Variants in ANKS1A observed in about 807,000 individuals in gnomAD.
ANKS1A encodes the protein ankyrin repeat and SAM domain-containing protein 1A.
In ANKS1A, 55 loss-of-function variants were observed where a neutral mutation model predicts 120.3. The observed-to-expected ratio is 0.46, with a 90% CI of 0.37 to 0.57. The LOEUF (loss-of-function observed/expected upper bound fraction) is 0.57, where lower values mean the gene tolerates loss of function less well. ANKS1A is among the 20% of genes least tolerant of loss of function. The probability of loss-of-function intolerance (pLI) is 0.00; values close to 1 mark genes in which losing one functional copy is unlikely to be tolerated. For synonymous variants in ANKS1A, 590 were observed against 604.7 expected (o/e 0.98, Z 0.36); for missense variants, 1,123 against 1,480.3 (o/e 0.76, Z 3.96).
Position 35,082,243 on chromosome 6 carries a change from C to T in ANKS1A, c.2710-448C>T, listed in dbSNP as rs941878641. Among the ~76,000 whole-genome samples the T allele has an allele frequency of 2.6e-5, 4 of 152,038 alleles. No individual in the cohort carries two copies. The highest frequency in any genetic ancestry group is 4.4e-5 in the Non-Finnish European group (3 of 67,952). On this transcript the variant is annotated intron_variant, in intron 17 of 23. Coordinates refer to ENST00000360359, the MANE Select transcript of ANKS1A (RefSeq NM_015245.3). The surrounding 1 kb of genome is among the most constrained non-coding windows in gnomAD (Gnocchi z 4.1). ...TTTGGAATGCATTCCTAGGCACGGG[C>T]GGGTGCTTCACTGGCTTCCCCGCTG...
downstream of ANKS1A, among the ~76,000 whole-genome samples, chr6:35,094,570 A>G (rs2762342): frequency 0.64 from 96,847 of 152,112 alleles, 31,055 homozygotes; most frequent in Middle Eastern, 0.77. Flanking sequence ...AGAAAAAGTC[A>G]AATGTCTGAG....
At chr6:35,008,156 A>G (rs2127550406) in intron 10 of ANKS1A, among the ~76,000 whole-genome samples, 1 of 152,338 alleles carries the variant, frequency 6.6e-6, no homozygotes, top group South Asian at 2.1e-4. Flanking sequence ...CCAAAGGGAA[A>G]ACATATCAAT....
intron 3 of ANKS1A, among the ~76,000 whole-genome samples, chr6:34,972,397 G>A (rs941220067): frequency 6.6e-6 from 1 of 152,128 alleles, no homozygotes; most frequent in Admixed American, 6.5e-5. Context: ...CCAGTAGGAT[G>A]CTTAGATTAA....
chr6:35,043,664 C>T (rs1775577782), intron 11 of ANKS1A, among the ~76,000 whole-genome samples: 1 of 152,118 alleles, frequency 6.6e-6, no homozygotes, highest in Non-Finnish European at 1.5e-5. Flanking sequence ...ATTACAAAAC[C>T]AAAGGAGGAA....
intron 1 of ANKS1A, among the ~76,000 whole-genome samples, chr6:34,930,718 C>T (rs957016304): frequency 1.3e-5 from 2 of 151,988 alleles, no homozygotes; most frequent in Non-Finnish European, 1.5e-5. Flanking sequence ...AACTTGGGAA[C>T]GTTATATCTC....
At chr6:34,925,244 G>C (rs896962321) in intron 1 of ANKS1A, among the ~76,000 whole-genome samples, 3 of 151,408 alleles carry the variant, frequency 2.0e-5, no homozygotes, top group African/African-American at 7.3e-5. Flanking sequence ...TTTTTGTTTT[G>C]GGCATTCTAT....
chr6:35,058,465 C>T lies in ANKS1A; in HGVS notation c.2078-1682C>T, dbSNP rs762725542. On this transcript the variant is annotated intron_variant, in intron 12 of 23. Transcript: ENST00000360359. This position sits in a 1 kb window ranked among gnomAD's most constrained non-coding sequence, Gnocchi z 5.1. ...CTCAAGTATCCCCCAGACTCGGCAT[C>T]TTGGAGCGCTGCGGCAGCGTGCATC... is the stretch of plus-strand genomic sequence containing the variant. 4.6e-5 allele frequency: 7 copies of T among 152,280 alleles called. No homozygotes were observed. Among genetic ancestry groups the T allele is most frequent in the Non-Finnish European group, 7.3e-5 (5 of 68,048 alleles). The allele number at this position is 152,280 out of a possible 1,614,324, so 9.4% of individuals were successfully genotyped here.
chr6:35,036,027 T>C (rs1775151770), intron 11 of ANKS1A, among the ~76,000 whole-genome samples: 1 of 152,206 alleles, frequency 6.6e-6, no homozygotes, highest in South Asian at 2.1e-4. Context: ...ATGGCTCTAG[T>C]TTTCCCTTCA....
chr6:35,079,473 T>G (rs2127606783), intron 14 of ANKS1A, 43 bp from the exon 15 acceptor site: 1 of 1,609,278 alleles, frequency 6.2e-7, no homozygotes. Flanking sequence ...CCCTCTCCTG[T>G]GAGTGCTGAG....
chr6:35,017,019 T>A (rs1226714991), intron 10 of ANKS1A, among the ~76,000 whole-genome samples: 2 of 148,996 alleles, frequency 1.3e-5, no homozygotes, highest in Non-Finnish European at 3.0e-5. Flanking sequence ...TTGGCCTTTA[T>A]GGAAATGTAT....
rs942956195 is a variant in ANKS1A, at chr6:35,003,386, C to T, written c.1423+8964C>T. Among the ~76,000 whole-genome samples the T allele has an allele frequency of 2.6e-5, 4 of 152,226 alleles. No homozygotes were observed. In the East Asian group the frequency reaches 5.8e-4, roughly 22 times the overall value. On this transcript the variant is annotated intron_variant, in intron 10 of 23. Transcript: ENST00000360359. ...CTGTCTATCAAAATAGATTGGCTCTCGACTACTTGCTAGCAGCTGAAAGAG... is the reference window on the plus strand; with the variant it reads ...CTGTCTATCAAAATAGATTGGCTCTTGACTACTTGCTAGCAGCTGAAAGAG...
rs1416837837 is a variant in ANKS1A, at chr6:35,001,912, G to T, written c.1423+7490G>T. 3.9e-5 allele frequency among the ~76,000 whole-genome samples: 6 copies of T among 152,184 alleles called. No individual in the cohort carries two copies. The South Asian group carries it at 1.0e-3, about 26-fold the overall frequency. On this transcript the variant is annotated intron_variant, in intron 10 of 23. Transcript: ENST00000360359. The stretch of plus-strand genomic sequence containing the variant: ...AGTGGCCTATCTCTCAAAAGAATTA[G>T]ACAGGGTTTACAAAGTCTGGCCCCC...
chr6:34,891,540 G>T (rs1374499226), intron 1 of ANKS1A, among the ~76,000 whole-genome samples: 1 of 152,214 alleles, frequency 6.6e-6, no homozygotes, highest in Non-Finnish European at 1.5e-5. Flanking sequence ...CATAGCATTT[G>T]GAGATTTTCC....
At chr6:35,005,453 AG>A (rs1213374151) in intron 10 of ANKS1A, among the ~76,000 whole-genome samples, 1 of 152,240 alleles carries the variant, frequency 6.6e-6, no homozygotes, top group Admixed American at 6.5e-5. Context: ...TGGCCAAAGT[AG>A]TACTCAGAGG....
chr6:35,043,895 G>T (rs1339525830), intron 11 of ANKS1A, among the ~76,000 whole-genome samples: 1 of 152,166 alleles, frequency 6.6e-6, no homozygotes, highest in Non-Finnish European at 1.5e-5. Context: ...AGCAATCTGA[G>T]TATAGATTTC....
intron 9 of ANKS1A, among the ~76,000 whole-genome samples, chr6:34,992,239 GA>G (rs1373406846): frequency 1.3e-5 from 2 of 152,198 alleles, no homozygotes; most frequent in Non-Finnish European, 2.9e-5. Flanking sequence ...ATCTACGAAT[GA>G]AAGAGCAGAA....
intron 1 of ANKS1A, among the ~76,000 whole-genome samples, chr6:34,951,755 C>T (rs186409715): frequency 6.6e-6 from 1 of 152,310 alleles, no homozygotes; most frequent in Admixed American, 6.5e-5. Context: ...GCAATACTTT[C>T]AATACTTACC....
chr6:35,090,872 T>C lies in ANKS1A; in HGVS notation c.*2263T>C, dbSNP rs909211205. The stretch of plus-strand genomic sequence containing the variant: ...GGCTTCTTGTCCACCTCTTCTCCCC[T>C]GCCCACCAGCTGCTCAGCGCATAAG... On this transcript the variant is annotated 3_prime_UTR_variant, in exon 24 of 24. Coordinates refer to ENST00000360359, the MANE Select transcript of ANKS1A (RefSeq NM_015245.3). 1.2e-5 allele frequency: 12 copies of C among 985,776 alleles called. No homozygotes were observed. The Middle Eastern group carries it at 1.6e-3, about 129-fold the overall frequency. The allele number at this position is 985,776 out of a possible 1,614,324, so 61.1% of individuals were successfully genotyped here.
chr6:34,924,868 G>A (rs1479198451), intron 1 of ANKS1A, among the ~76,000 whole-genome samples: 2 of 152,146 alleles, frequency 1.3e-5, no homozygotes, highest in Non-Finnish European at 2.9e-5. Flanking sequence ...TGATCCACTT[G>A]CCTCAGCCTC....
Sources: allele counts gnomAD v4.1 joint callset (sites outside exome capture counted in the v4.1 genomes callset), GRCh38; gene constraint gnomAD v4.1.1; non-coding constraint Gnocchi (gnomAD v3.1); transcripts MANE v1.5; gene names NCBI Gene and HGNC (gene_info 2026-07-23, HGNC 2026-07-21).